ATG13: variants seen among roughly 807,000 people sequenced by gnomAD.
The protein encoded by ATG13 is autophagy related 13, also known as autophagy-related protein 13.
In ATG13, 23 loss-of-function variants were observed where a neutral mutation model predicts 65.5. The ratio of observed to expected loss-of-function variants is 0.35; its 90% CI spans 0.25 to 0.50. The LOEUF is 0.50. Among genes scored for constraint, ATG13 ranks in the 20% least tolerant of loss-of-function variants. The pLI is 0.98. For synonymous variants in ATG13, 252 were observed against 245.2 expected, an observed-to-expected ratio of 1.03 and a Z score of -0.26; for missense variants, 566 against 677.0, an observed-to-expected ratio of 0.84 and a Z score of 1.82.
chr11:46,672,875 T>C lies in ATG13; in HGVS notation c.*543T>C, dbSNP rs1259573389. On this transcript the variant is annotated 3_prime_UTR_variant, in exon 19 of 19. Transcript: ENST00000683050. ...CTTCTTCTCCTCTTCTTCTCTCTCTTGCCTCTATGCCTGTATTTCTGGCAA... is the reference window on the plus strand; with the variant it reads ...CTTCTTCTCCTCTTCTTCTCTCTCTCGCCTCTATGCCTGTATTTCTGGCAA... The C allele has an allele frequency of 9.2e-6, 10 of 1,087,728 alleles. No individual in the cohort carries two copies. The highest frequency in any genetic ancestry group is 7.9e-5 in the South Asian group (5 of 63,632). The allele number at this position is 1,087,728 out of a possible 1,614,324, so 67.4% of individuals were successfully genotyped here.
chr11:46,639,005 T>G (rs76219055), intron 2 of ATG13, among the ~76,000 whole-genome samples: 2 of 151,952 alleles, frequency 1.3e-5, no homozygotes, highest in African/African-American at 4.8e-5. Flanking sequence ...TATTTTTTTT[T>G]GAGAAGGAGT....
intron 1 of ATG13, among the ~76,000 whole-genome samples, chr11:46,623,697 G>A (rs1239538039): frequency 6.6e-6 from 1 of 151,916 alleles, no homozygotes; most frequent in East Asian, 1.9e-4. Flanking sequence ...CAAAGTGCTG[G>A]GATTACAGGC....
Position 46,673,053 on chromosome 11 carries a change from A to C in ATG13, c.*721A>C, listed in dbSNP as rs1396679000. 2 of 195,238 alleles carry C rather than the reference A, an allele frequency of 1.0e-5. No individual in the cohort carries two copies. The highest frequency in any genetic ancestry group is 2.2e-5 in the Non-Finnish European group (2 of 92,552). 12.1% of individuals were successfully genotyped at this position (195,238 alleles called of 1,614,324 possible). On this transcript the variant is annotated 3_prime_UTR_variant, in exon 19 of 19. Coordinates refer to ENST00000683050, the MANE Select transcript of ATG13 (RefSeq NM_001346311.2). ...CACCCTGAATCTCTAGGATTTTGTCACTTGGAGTCACAGCAAAGTTCTCTT... is the reference window on the plus strand; with the variant it reads ...CACCCTGAATCTCTAGGATTTTGTCCCTTGGAGTCACAGCAAAGTTCTCTT...
intron 2 of ATG13, chr11:46,631,039 G>A (rs910576355): frequency 1.3e-5 from 2 of 151,932 alleles, no homozygotes; most frequent in African/African-American, 4.8e-5. Context: ...CCAATACTTC[G>A]TTGACTTCTT....
Position 46,673,717 on chromosome 11 carries a change from A to G in ATG13, c.*1385A>G, listed in dbSNP as rs1437907697. ...CCCTTCAGGTATTGTTACTTGAATA[A>G]GTCAAGTGCCTAGCCTCACCCACCT... On this transcript the variant is annotated 3_prime_UTR_variant, in exon 19 of 19. Transcript: ENST00000683050. The G allele has an allele frequency of 6.6e-6, 1 of 152,212 alleles. No individual in the cohort carries two copies. Among genetic ancestry groups the G allele is most frequent in the African/African-American group, 2.4e-5 (1 of 41,440 alleles). 9.4% of individuals were successfully genotyped at this position (152,212 alleles called of 1,614,324 possible).
At chr11:46,619,108 G>A (rs1395018382) in intron 1 of ATG13, among the ~76,000 whole-genome samples, 1 of 152,122 alleles carries the variant, frequency 6.6e-6, no homozygotes, top group Non-Finnish European at 1.5e-5. Flanking sequence ...TCCTGCATGT[G>A]CTTAGTGGAG....
rs558450880 is a variant in ATG13, at chr11:46,643,414, A to G, written c.-13-865A>G. 1.9e-4 allele frequency among the ~76,000 whole-genome samples: 29 copies of G among 152,148 alleles called. No homozygotes were observed. In the South Asian group the frequency reaches 4.6e-3, roughly 24 times the overall value. ...TGACACCCCTCAGCTGCGGGAGTCTATTTTATCTGCTGGCTCAGGACGTCC... is the reference window on the plus strand; with the variant it reads ...TGACACCCCTCAGCTGCGGGAGTCTGTTTTATCTGCTGGCTCAGGACGTCC... On this transcript the variant is annotated intron_variant, in intron 2 of 18. Coordinates refer to ENST00000683050, the MANE Select transcript of ATG13 (RefSeq NM_001346311.2).
At chr11:46,670,480 C>T (rs1326791805) in intron 18 of ATG13, among the ~76,000 whole-genome samples, 1 of 81,724 alleles carries the variant, frequency 1.2e-5, no homozygotes. Context: ...GACTCCATCT[C>T]AAAAAAAAAA....
chr11:46,657,384 G>T (rs1288264013), intron 9 of ATG13, 140 bp from the exon 10 acceptor site: 1 of 973,128 alleles, frequency 1.0e-6, no homozygotes, highest in Non-Finnish European at 1.6e-6. Context: ...CGTAGGATTG[G>T]TGGTTTATAT....
chr11:46,641,280 C>G (rs1483162018), intron 2 of ATG13, among the ~76,000 whole-genome samples: 1 of 152,182 alleles, frequency 6.6e-6, no homozygotes, highest in Non-Finnish European at 1.5e-5. Flanking sequence ...CCATCTTGGC[C>G]AGGCTGGTCT....
chr11:46,620,441 A>G (rs1227606585), intron 1 of ATG13, among the ~76,000 whole-genome samples: 4 of 151,822 alleles, frequency 2.6e-5, no homozygotes, highest in Non-Finnish European at 5.9e-5. Context: ...CCTTGGTCAT[A>G]AGAGAAGGGA....
rs368591554 is a variant in ATG13 at position 46,656,222 on chromosome 11, C to T, written c.459-11C>T. 1.2e-6 allele frequency: 2 copies of T among 1,610,782 alleles called. No individual in the cohort carries two copies. The highest frequency in any genetic ancestry group is 1.7e-6 in the Non-Finnish European group (2 of 1,177,488). The stretch of plus-strand genomic sequence containing the variant: ...AATCAGGTAACATTTCTTATTTTTT[C>T]TTCCATACAGGATATATTTTGGAGA... On this transcript the variant is annotated splice_polypyrimidine_tract_variant and intron_variant, in intron 7 of 18. Coordinates refer to ENST00000683050, the MANE Select transcript of ATG13 (RefSeq NM_001346311.2).
intron 7 of ATG13, 129 bp downstream of exon 7, chr11:46,650,446 C>T: frequency 7.8e-7 from 1 of 1,277,616 alleles, no homozygotes. Flanking sequence ...GATGCTGTCG[C>T]TTTCATGTGA....
chr11:46,632,995 TA>T (rs369521444), intron 2 of ATG13, among the ~76,000 whole-genome samples: 4 of 104,340 alleles, frequency 3.8e-5, no homozygotes, highest in East Asian at 2.9e-4. Flanking sequence ...AGACCCCCAT[TA>T]AAAAAAAATA....
At chr11:46,640,836 T>C (rs2055739022) in intron 2 of ATG13, among the ~76,000 whole-genome samples, 1 of 152,192 alleles carries the variant, frequency 6.6e-6, no homozygotes, top group African/African-American at 2.4e-5. Flanking sequence ...AAGTGGTGTA[T>C]AGATTTATAG....
intron 5 of ATG13, among the ~76,000 whole-genome samples, chr11:46,647,451 T>C (rs1210708695): frequency 6.6e-6 from 1 of 151,898 alleles, no homozygotes; most frequent in Non-Finnish European, 1.5e-5. Context: ...CTATTTTTTG[T>C]ATTTTTTGTA....
intron 8 of ATG13, 127 bp downstream of exon 8, chr11:46,656,400 G>C: frequency 1.0e-6 from 1 of 1,001,450 alleles, no homozygotes; most frequent in South Asian, 1.9e-5. Context: ...GTAAAGAAAA[G>C]ATGAGAATGC....
chr11:46,617,864 A>G lies in ATG13; in HGVS notation c.-96A>G, dbSNP rs2045782260. 1 of 399,026 alleles carries G rather than the reference A, an allele frequency of 2.5e-6. No homozygotes were observed. Among genetic ancestry groups the G allele is most frequent in the East Asian group, 3.6e-5 (1 of 28,084 alleles). 24.7% of individuals were successfully genotyped at this position (399,026 alleles called of 1,614,324 possible). ...CCGGCCTCCGTAATGAGAGCCCGGAACCACTCTTTGTGCCGCAGCTTCGCA... is the reference window on the plus strand; with the variant it reads ...CCGGCCTCCGTAATGAGAGCCCGGAGCCACTCTTTGTGCCGCAGCTTCGCA... On this transcript the variant is annotated 5_prime_UTR_variant, in exon 1 of 19. Transcript: ENST00000683050.
chr11:46,622,122 TATA>T lies in ATG13; in HGVS notation c.-70+4233_-70+4235del, dbSNP rs1565399024. On this transcript the variant is annotated intron_variant, in intron 1 of 18. Coordinates refer to ENST00000683050, the MANE Select transcript of ATG13 (RefSeq NM_001346311.2). ...ATATATATATATATATATATATATA[TATA>T]TATTTATTTTAGAGATGGTATTTGC... Among the ~76,000 whole-genome samples the T allele has an allele frequency of 3.4e-3, 390 of 115,800 alleles. 5 individuals are homozygous for T. Among genetic ancestry groups the T allele is most frequent in the African/African-American group, 9.7e-3 (272 of 28,134 alleles). The allele number at this position is 115,800 out of a possible 152,430, so 76.0% of individuals were successfully genotyped here. A position where few individuals can be genotyped will look rare whatever the true frequency, so the allele number is the denominator to read the frequency against.
Sources: allele counts gnomAD v4.1 joint callset (sites outside exome capture counted in the v4.1 genomes callset), GRCh38; gene constraint gnomAD v4.1.1; transcripts MANE v1.5; gene names NCBI Gene and HGNC (gene_info 2026-07-23, HGNC 2026-07-21).